STRN3: variants seen among roughly 807,000 people sequenced by gnomAD.
STRN3 encodes striatin-3.
In STRN3, 29 loss-of-function variants were observed where a neutral mutation model predicts 95.6. The ratio of observed to expected loss-of-function variants is 0.30; its 90% CI spans 0.23 to 0.41. STRN3 has a LOEUF of 0.41. Among genes scored for constraint, STRN3 ranks in the 10% least tolerant of loss-of-function variants. STRN3 has a pLI of 1.00. For synonymous variants in STRN3, 331 were observed against 357.6 expected, an observed-to-expected ratio of 0.93 and a Z score of 0.84; for missense variants, 890 against 972.1, an observed-to-expected ratio of 0.92 and a Z score of 1.12.
At chr14:30,984,954 T>C (rs2139239537) in intron 1 of STRN3, among the ~76,000 whole-genome samples, 1 of 152,278 alleles carries the variant, frequency 6.6e-6, no homozygotes, top group Middle Eastern at 3.4e-3. Context: ...GGATCTTTCT[T>C]TTTATGAAGT....
At chr14:31,014,234 G>A (rs981211539) in intron 1 of STRN3, among the ~76,000 whole-genome samples, 1 of 151,500 alleles carries the variant, frequency 6.6e-6, no homozygotes, top group Admixed American at 6.6e-5. Context: ...TGTTGTTGCT[G>A]TTCTGAGACA....
At chr14:30,990,133 G>C (rs1408483249) in intron 1 of STRN3, among the ~76,000 whole-genome samples, 1 of 151,254 alleles carries the variant, frequency 6.6e-6, no homozygotes, top group Non-Finnish European at 1.5e-5. Flanking sequence ...AGAGTGGCAA[G>C]AGTGTTCTAG....
chr14:30,968,839 G>C (rs773263726), intron 1 of STRN3, among the ~76,000 whole-genome samples: 4 of 152,106 alleles, frequency 2.6e-5, no homozygotes, highest in Non-Finnish European at 4.4e-5. Context: ...TAAAACTATA[G>C]AAGAAACAGT....
At chr14:30,999,633 A>G (rs56251680) in intron 1 of STRN3, among the ~76,000 whole-genome samples, 26,457 of 152,086 alleles carry the variant, frequency 0.17, 2,739 homozygotes, top group East Asian at 0.42. Flanking sequence ...TGAGAACCAG[A>G]AAGAACAAAT....
intron 7 of STRN3, among the ~76,000 whole-genome samples, chr14:30,929,967 A>AAAAAAAAAAAAAACAAAAAC (rs1555317336): frequency 2.2e-5 from 2 of 91,124 alleles, no homozygotes; most frequent in Non-Finnish European, 4.5e-5. Flanking sequence ...AAAAAAAAAA[A>AAAAAAAAAAAAAACAAAAAC]AAAAAAAAAA....
In STRN3 at chr14:30,951,517, C is replaced by A. The variant is rs1879640112; in HGVS notation, c.461-573G>T. 2.0e-5 allele frequency among the ~76,000 whole-genome samples: 3 copies of A among 152,306 alleles called. No individual in the cohort carries two copies. The East Asian group carries it at 5.8e-4, about 29-fold the overall frequency. The stretch of plus-strand genomic sequence containing the variant: ...AAAGTGCTGAGATTACAGGTGTGAA[C>A]CACCATGCCTGGCAATTTAATTTTT... On this transcript the variant is annotated intron_variant, in intron 3 of 17. Coordinates refer to ENST00000357479, the MANE Select transcript of STRN3 (RefSeq NM_001083893.2).
chr14:30,918,989 T>C lies in STRN3; in HGVS notation c.1217A>G (p.His406Arg). 15 of 1,597,390 alleles carry C rather than the reference T, an allele frequency of 9.4e-6. No homozygotes were observed. The highest frequency in any genetic ancestry group is 2.3e-5 in the East Asian group (1 of 44,058). The change falls in exon 9 of 18, where the codon CAT becomes CGT. Residue 406 changes from histidine (H) to arginine (R), a missense_variant. Coordinates refer to ENST00000357479, the MANE Select transcript of STRN3 (RefSeq NM_001083893.2). ...ACCTTCCTCTGCTCTTGCACCTTCA[T>C]GATCAGTCATTCTAGTAGAGGCTGA... is the stretch of plus-strand genomic sequence containing the variant. Reference protein sequence around the residue: ...SRSASTRMTDHEGARAEEAEP... With the variant: ...SRSASTRMTDREGARAEEAEP...
At chr14:30,971,708 TG>T (rs1226219505) in intron 1 of STRN3, among the ~76,000 whole-genome samples, 1 of 152,188 alleles carries the variant, frequency 6.6e-6, no homozygotes, top group African/African-American at 2.4e-5. Context: ...AAGGTCTCAC[TG>T]CTCTATCCAA....
intron 1 of STRN3, among the ~76,000 whole-genome samples, chr14:31,004,310 A>G (rs1261618526): frequency 1.3e-5 from 2 of 152,080 alleles, no homozygotes; most frequent in Non-Finnish European, 2.9e-5. Context: ...GTTAAAAAAA[A>G]AAAATTAGCG....
intron 16 of STRN3, among the ~76,000 whole-genome samples, chr14:30,897,238 A>C (rs1180146187): frequency 6.6e-6 from 1 of 152,212 alleles, no homozygotes; most frequent in Non-Finnish European, 1.5e-5. Flanking sequence ...ACCTGAATAC[A>C]AAACCACAAC....
intron 12 of STRN3, 28 bp downstream of exon 12, chr14:30,911,749 A>G (rs1406088773): frequency 6.3e-7 from 1 of 1,575,516 alleles, no homozygotes; most frequent in Admixed American, 1.8e-5. Context: ...TGATGATGTT[A>G]ATTAAATACC....
At chr14:30,920,680 TTAC>T (rs1188928370) in intron 8 of STRN3, among the ~76,000 whole-genome samples, 5 of 152,176 alleles carry the variant, frequency 3.3e-5, no homozygotes, top group Admixed American at 2.0e-4. Flanking sequence ...ATCTTATGAA[TTAC>T]TACAACAGAC....
At chr14:30,976,033 G>C (rs927072267) in intron 1 of STRN3, among the ~76,000 whole-genome samples, 1 of 152,042 alleles carries the variant, frequency 6.6e-6, no homozygotes, top group Non-Finnish European at 1.5e-5. Context: ...TGCAAAAACA[G>C]AAAAGAGTTA....
intron 3 of STRN3, among the ~76,000 whole-genome samples, chr14:30,951,235 A>AT (rs1260796897): frequency 1.3e-5 from 2 of 151,782 alleles, no homozygotes; most frequent in Non-Finnish European, 2.9e-5. Flanking sequence ...ATTAAAACTG[A>AT]TTTTTTCTCT....
chr14:31,009,567 G>A (rs1279405187), intron 1 of STRN3, among the ~76,000 whole-genome samples: 2 of 146,022 alleles, frequency 1.4e-5, no homozygotes, highest in Non-Finnish European at 3.0e-5. Flanking sequence ...AGCAGTGGTT[G>A]TTCCTGGAAA....
intron 5 of STRN3, among the ~76,000 whole-genome samples, chr14:30,946,249 C>T (rs1310847136): frequency 6.6e-6 from 1 of 152,100 alleles, no homozygotes; most frequent in Non-Finnish European, 1.5e-5. Context: ...CTGTTGTTAT[C>T]AAAACTTAAC....
intron 14 of STRN3, among the ~76,000 whole-genome samples, chr14:30,906,082 TTC>T (rs1896453830): frequency 6.6e-6 from 1 of 152,150 alleles, no homozygotes; most frequent in African/African-American, 2.4e-5. Flanking sequence ...GAGCAGCAAT[TTC>T]TCTCTTTAAC....
chr14:30,994,692 T>C (rs1378778236), intron 1 of STRN3, among the ~76,000 whole-genome samples: 1 of 152,240 alleles, frequency 6.6e-6, no homozygotes, highest in Admixed American at 6.5e-5. Flanking sequence ...TTGCTGAATT[T>C]AAATCTCTGC....
chr14:30,972,387 G>A (rs1880878738), intron 1 of STRN3, among the ~76,000 whole-genome samples: 1 of 152,118 alleles, frequency 6.6e-6, no homozygotes, highest in Admixed American at 6.6e-5. Flanking sequence ...AGCAGCAAGG[G>A]GCCACATGCA....
Sources: allele counts gnomAD v4.1 joint callset (sites outside exome capture counted in the v4.1 genomes callset), GRCh38; gene constraint gnomAD v4.1.1; transcripts MANE v1.5; gene names NCBI Gene and HGNC (gene_info 2026-07-23, HGNC 2026-07-21).